STX18: variants seen among roughly 807,000 people sequenced by gnomAD.
STX18 encodes the protein syntaxin 18.
Under a neutral mutation model 50.1 loss-of-function variants are expected in STX18, and 40 were observed. The observed-to-expected ratio is 0.80, with a 90% CI of 0.62 to 1.04. The LOEUF is 1.04. Among genes scored for constraint, STX18 ranks in the 50% least tolerant of loss-of-function variants. STX18 has a pLI of 0.00. For synonymous variants in STX18, 158 were observed against 151.8 expected (o/e 1.04, Z -0.30); for missense variants, 410 against 415.8 (o/e 0.99, Z 0.12).
At chr4:4,522,961 C>T (rs183128742) in intron 1 of STX18, among the ~76,000 whole-genome samples, 37 of 152,254 alleles carry the variant, frequency 2.4e-4, no homozygotes, top group Non-Finnish European at 4.0e-4. Flanking sequence ...TGTTTACTGG[C>T]GTATGTGTTT....
At chr4:4,469,304 A>T (rs1727791594) in intron 2 of STX18, among the ~76,000 whole-genome samples, 1 of 152,230 alleles carries the variant, frequency 6.6e-6, no homozygotes, top group Non-Finnish European at 1.5e-5. Flanking sequence ...CAAAACAAAA[A>T]ATATGTGACA....
chr4:4,447,506 G>A (rs1279818197), intron 5 of STX18, among the ~76,000 whole-genome samples: 1 of 146,804 alleles, frequency 6.8e-6, no homozygotes, highest in African/African-American at 2.5e-5. Context: ...CAGGAGAATG[G>A]CGTGAACCCG....
At chr4:4,508,153 G>A (rs769798612) in intron 1 of STX18, among the ~76,000 whole-genome samples, 2 of 152,226 alleles carry the variant, frequency 1.3e-5, no homozygotes, top group Non-Finnish European at 2.9e-5. Flanking sequence ...AAGTGCCCGT[G>A]TGAAAAGCAC....
intron 1 of STX18, among the ~76,000 whole-genome samples, chr4:4,504,483 C>A (rs953210892): frequency 6.6e-6 from 1 of 151,964 alleles, no homozygotes. Flanking sequence ...TGATACCTCT[C>A]GAAACTTAGC....
chr4:4,475,471 C>A (rs200958574), intron 1 of STX18, among the ~76,000 whole-genome samples: 55 of 144,528 alleles, frequency 3.8e-4, no homozygotes, highest in Admixed American at 4.2e-4. Flanking sequence ...TAAAAAAAAA[C>A]AAAAAAAAAA....
intron 1 of STX18, among the ~76,000 whole-genome samples, chr4:4,526,574 G>C (rs560250997): frequency 2.6e-5 from 4 of 152,200 alleles, no homozygotes; most frequent in Admixed American, 6.5e-5. Flanking sequence ...GACTTCATGT[G>C]CACCATGGAA....
chr4:4,539,719 A>C (rs1306418307), intron 1 of STX18, among the ~76,000 whole-genome samples: 1 of 152,078 alleles, frequency 6.6e-6, no homozygotes, highest in African/African-American at 2.4e-5. Context: ...AGCAGTCATC[A>C]CTCTGTTTAA....
chr4:4,448,612 GATT>G (rs1726564516), intron 5 of STX18, among the ~76,000 whole-genome samples: 1 of 152,182 alleles, frequency 6.6e-6, no homozygotes, highest in African/African-American at 2.4e-5. Flanking sequence ...AAAGTGCTGG[GATT>G]ACAGGCATGA....
intron 1 of STX18, among the ~76,000 whole-genome samples, chr4:4,521,131 A>C (rs1222186832): frequency 1.3e-5 from 2 of 152,172 alleles, no homozygotes; most frequent in Non-Finnish European, 2.9e-5. Flanking sequence ...AATAAAATGC[A>C]AAAGTCTGGC....
chr4:4,517,920 G>A (rs574859735), intron 1 of STX18, among the ~76,000 whole-genome samples: 5 of 151,920 alleles, frequency 3.3e-5, no homozygotes, highest in East Asian at 3.9e-4. Flanking sequence ...GATTACAGGC[G>A]CCTGCCACCA....
At chr4:4,459,275 T>A in intron 3 of STX18, 97 bp downstream of exon 3, 1 of 844,414 alleles carries the variant, frequency 1.2e-6, no homozygotes, top group Non-Finnish European at 1.9e-6. Flanking sequence ...TAAATCGAAA[T>A]AAGAAGAGGG....
chr4:4,467,838 C>T (rs985646748), intron 2 of STX18, among the ~76,000 whole-genome samples: 4 of 151,928 alleles, frequency 2.6e-5, no homozygotes, highest in African/African-American at 9.7e-5. Flanking sequence ...AAACAGAGCC[C>T]CGGAGTTCTT....
intron 1 of STX18, among the ~76,000 whole-genome samples, chr4:4,517,078 G>T (rs1015662235): frequency 6.6e-6 from 1 of 152,112 alleles, no homozygotes; most frequent in Non-Finnish European, 1.5e-5. Flanking sequence ...TGGTTCTCAG[G>T]CTTTAGATTT....
At chr4:4,458,883 C>T (rs73796010) in intron 3 of STX18, among the ~76,000 whole-genome samples, 2,032 of 152,272 alleles carry the variant, frequency 0.013, 46 homozygotes, top group African/African-American at 0.046. Context: ...CCAGAGCCTT[C>T]CTCCTAACCT....
intron 1 of STX18, among the ~76,000 whole-genome samples, chr4:4,525,358 G>A (rs533251840): frequency 2.0e-5 from 3 of 152,272 alleles, no homozygotes; most frequent in Admixed American, 1.3e-4. Flanking sequence ...AAGGAGAAGT[G>A]CTTGAGGGAG....
At chr4:4,521,246 G>C (rs1730497351) in intron 1 of STX18, among the ~76,000 whole-genome samples, 1 of 152,152 alleles carries the variant, frequency 6.6e-6, no homozygotes, top group African/African-American at 2.4e-5. Flanking sequence ...CCACAGCATG[G>C]GGTACAGGCC....
chr4:4,496,588 A>G (rs1034652102), intron 1 of STX18, among the ~76,000 whole-genome samples: 1 of 152,144 alleles, frequency 6.6e-6, no homozygotes, highest in Non-Finnish European at 1.5e-5. Context: ...CCTTTGCGCT[A>G]AGGAGGAAAA....
intron 1 of STX18, among the ~76,000 whole-genome samples, chr4:4,515,322 T>C (rs1730201198): frequency 6.6e-6 from 1 of 152,090 alleles, no homozygotes; most frequent in Non-Finnish European, 1.5e-5. Flanking sequence ...TACTAAATAA[T>C]GGAAAAAAAG....
At chr4:4,490,719 G>A (rs899162288) in intron 1 of STX18, among the ~76,000 whole-genome samples, 7 of 152,036 alleles carry the variant, frequency 4.6e-5, no homozygotes, top group African/African-American at 1.7e-4. Context: ...TCCATGTTCA[G>A]GCTGAAGAAT....
Sources: gnomAD v4.1 joint callset for allele counts (sites outside exome capture counted in the v4.1 genomes callset) on GRCh38, gnomAD v4.1.1 for gene constraint, MANE v1.5 for transcripts, NCBI Gene and HGNC (gene_info 2026-07-23, HGNC 2026-07-21) for gene names.